Variants in CLCA2 observed in about 807,000 individuals in gnomAD.
CLCA2 encodes the protein chloride channel accessory 2.
In CLCA2, 85 loss-of-function variants were observed where a neutral mutation model predicts 82.9. The ratio of observed to expected loss-of-function variants is 1.03; its 90% CI spans 0.86 to 1.23. The LOEUF (loss-of-function observed/expected upper bound fraction) is 1.23, where lower values mean the gene tolerates loss of function less well. CLCA2 is among the 50% of genes most tolerant of loss of function. The pLI is 0.00. For synonymous variants in CLCA2, 421 were observed against 391.7 expected (o/e 1.07, Z -0.88); for missense variants, 1,089 against 1,124.8 (o/e 0.97, Z 0.45).
chr1:86,434,449 T>C, intron 5 of CLCA2, 69 bp from the exon 6 acceptor site: 1 of 1,317,100 alleles, frequency 7.6e-7, no homozygotes, highest in Non-Finnish European at 1.1e-6. Context: ...CTATAGTTCC[T>C]TGAGAATGAG....
At position 86,447,540 on chromosome 1, in the gene CLCA2, C is replaced by A. The variant is rs1272654900; in HGVS notation, c.1746C>A (p.Thr582=). Reference sequence around the variant, plus strand: ...ACTGGACTTACACCCTGAACAATACCCATCATTCTCTGCAAGCCCTGAAAG... The same window carrying A: ...ACTGGACTTACACCCTGAACAATACACATCATTCTCTGCAAGCCCTGAAAG... The part of the protein sequence containing the change: ...PGHWTYTLNN[T]HHSLQALKVT... Residue 582 remains threonine (T), a synonymous_variant, in exon 11 of 14, where the codon ACC becomes ACA. Coordinates refer to ENST00000370565, the MANE Select transcript of CLCA2 (RefSeq NM_006536.7). 1 of 1,613,986 alleles carries A rather than the reference C, an allele frequency of 6.2e-7. No individual in the cohort carries two copies. Among genetic ancestry groups the A allele is most frequent in the East Asian group, 2.2e-5 (1 of 44,876 alleles).
rs11161830 is a variant in CLCA2 at position 86,438,905 on chromosome 1, C to G, written c.1002C>G (p.Ala334=). The part of the protein sequence containing the change: ...EADRLLQLQQ[A]AEFYLMQIVE... Reference sequence around the variant, plus strand: ...ACAGACTCCTTCAACTACAACAAGCCGCAGAATTTTATTTGATGCAGATTG... The same window carrying G: ...ACAGACTCCTTCAACTACAACAAGCGGCAGAATTTTATTTGATGCAGATTG... The change falls in exon 7 of 14, where the codon GCC becomes GCG. Residue 334 remains alanine (A), a synonymous_variant. Transcript: ENST00000370565. 3 of 1,613,794 alleles carry G rather than the reference C, an allele frequency of 1.9e-6. No individual in the cohort carries two copies. The African/African-American group carries it at 4.0e-5, about 22-fold the overall frequency.
chr1:86,425,551 A>C, intron 2 of CLCA2, 75 bp downstream of exon 2: 1 of 1,237,950 alleles, frequency 8.1e-7, no homozygotes, highest in Non-Finnish European at 1.1e-6. Flanking sequence ...CAAACGATAA[A>C]AGTGAGAAGT....
At chr1:86,435,074 T>C (rs1313992779) in intron 6 of CLCA2, among the ~76,000 whole-genome samples, 1 of 152,142 alleles carries the variant, frequency 6.6e-6, no homozygotes, top group Non-Finnish European at 1.5e-5. Flanking sequence ...GGACTACAGG[T>C]GCAGGACACC....
chr1:86,443,897 T>C lies in CLCA2; in HGVS notation c.1599T>C (p.Ser533=), dbSNP rs1211004691. ...DTMFLVTWQA[S]GPPEIILFDP... ...TGTTTCTAGTTACGTGGCAGGCCAGTGGTCCTCCTGAGATTATATTATTTG... is the reference window on the plus strand; with the variant it reads ...TGTTTCTAGTTACGTGGCAGGCCAGCGGTCCTCCTGAGATTATATTATTTG... Residue 533 remains serine (S), a synonymous_variant, in exon 10 of 14, where the codon AGT becomes AGC. Transcript: ENST00000370565. 6.2e-7 allele frequency: 1 copy of C among 1,613,462 alleles called. No homozygotes were observed. Among genetic ancestry groups the C allele is most frequent in the Non-Finnish European group, 8.5e-7 (1 of 1,179,530 alleles).
intron 12 of CLCA2, among the ~76,000 whole-genome samples, chr1:86,451,793 A>T (rs1004226905): frequency 1.4e-4 from 21 of 152,198 alleles, no homozygotes; most frequent in Non-Finnish European, 5.9e-5. Context: ...CTAAAAAAAT[A>T]AGGGTAATAA....
chr1:86,429,980 C>G (rs975439533), intron 3 of CLCA2, among the ~76,000 whole-genome samples: 8 of 152,144 alleles, frequency 5.3e-5, no homozygotes, highest in African/African-American at 1.9e-4. Flanking sequence ...ATCTTTCCCT[C>G]AACACTCACA....
In CLCA2 at chr1:86,434,593, A is replaced by G. The variant is rs1289606071; in HGVS notation, c.820A>G (p.Ser274Gly). The G allele has an allele frequency of 1.2e-6, 2 of 1,614,096 alleles. No individual in the cohort carries two copies. Among genetic ancestry groups the G allele is most frequent in the Non-Finnish European group, 1.7e-6 (2 of 1,179,994 alleles). Reference sequence around the variant, plus strand: ...ACAGAACCAGATGTGCAGCCTCAGAAGTGCATGGGATGTAATCACAGACTC... The same window carrying G: ...ACAGAACCAGATGTGCAGCCTCAGAGGTGCATGGGATGTAATCACAGACTC... ...NLQNQMCSLR[S>G]AWDVITDSAD... The change falls in exon 6 of 14, where the codon AGT becomes GGT. Residue 274 changes from serine to glycine, a missense_variant. Coordinates refer to ENST00000370565, the MANE Select transcript of CLCA2 (RefSeq NM_006536.7).
In CLCA2 at chr1:86,440,163, A is replaced by G; in HGVS notation, c.1219A>G (p.Asn407Asp). 1 of 1,613,764 alleles carries G rather than the reference A, an allele frequency of 6.2e-7. No individual in the cohort carries two copies. The highest frequency in any genetic ancestry group is 8.5e-7 in the Non-Finnish European group (1 of 1,179,880). ...KKGFEVVEKL[N>D]GKAYGSVMIL... ...CTATGTTCAGGTGGTTGAAAAACTG[A>G]ATGGAAAAGCTTATGGCTCTGTGAT... Residue 407 changes from asparagine (N) to aspartate (D), a missense_variant, in exon 8 of 14, where the codon AAT (asparagine) becomes GAT (aspartate). Physicochemically the swap from Asn to Asp is conservative, Grantham distance 23. Coordinates refer to ENST00000370565, the MANE Select transcript of CLCA2 (RefSeq NM_006536.7).
chr1:86,443,828 G>C lies in CLCA2; in HGVS notation c.1530G>C (p.Leu510Phe). The C allele has an allele frequency of 6.2e-7, 1 of 1,613,968 alleles. No homozygotes were observed. ...AAAATGTCAAACCTCACCATCAATT[G>C]AAAAACACAGTGACTGTGGATAATA... ...TGENVKPHHQ[L>F]KNTVTVDNTV... The change falls in exon 10 of 14, where the codon TTG becomes TTC. Residue 510 changes from leucine (L) to phenylalanine (F), a missense_variant. By Grantham distance (22) the Leu-to-Phe change is conservative (BLOSUM62 0). Coordinates refer to ENST00000370565, the MANE Select transcript of CLCA2 (RefSeq NM_006536.7).
chr1:86,427,207 G>A (rs1189845088), intron 2 of CLCA2, among the ~76,000 whole-genome samples: 1 of 151,992 alleles, frequency 6.6e-6, no homozygotes, highest in Admixed American at 6.6e-5. Flanking sequence ...TGGTCTATAA[G>A]GTATAAAGTA....
intron 4 of CLCA2, 145 bp downstream of exon 4, chr1:86,431,115 T>G (rs1253101130): frequency 3.3e-6 from 2 of 602,274 alleles, no homozygotes; most frequent in Non-Finnish European, 5.9e-6. Context: ...TCCTTTCACT[T>G]TTCAGTTCTT....
chr1:86,456,390 T>C lies in CLCA2; in HGVS notation c.*863T>C, dbSNP rs938108853. ...TAGCTGGCTCTGTTTTTTGGTTAAA[T>C]AAGAGTCTTTAATCCTTTCTCCATC... On this transcript the variant is annotated 3_prime_UTR_variant, in exon 14 of 14. Transcript: ENST00000370565. The C allele has an allele frequency of 3.9e-5, 6 of 152,166 alleles. No individual in the cohort carries two copies. Among genetic ancestry groups the C allele is most frequent in the African/African-American group, 1.4e-4 (6 of 41,432 alleles). 9.4% of individuals were successfully genotyped at this position (152,166 alleles called of 1,614,324 possible). A position where few individuals can be genotyped will look rare whatever the true frequency, so the allele number is the denominator to read the frequency against.
chr1:86,447,519 G>A lies in CLCA2; in HGVS notation c.1725G>A (p.Trp575Ter). ...GACTTGTTTTACAGCCTGGGCACTG[G>A]ACTTACACCCTGAACAATACCCATC... ...WIPGTAKPGH[W>*]TYTLNNTHHS... The change falls in exon 11 of 14, where the codon TGG (tryptophan) becomes TGA (stop). Residue 575 changes from tryptophan to a stop codon, truncating the protein, a stop_gained. Coordinates refer to ENST00000370565, the MANE Select transcript of CLCA2 (RefSeq NM_006536.7). LOFTEE classifies it high-confidence loss of function. The A allele has an allele frequency of 6.2e-7, 1 of 1,613,986 alleles. No homozygotes were observed.
Position 86,443,945 on chromosome 1 carries a change from C to A in CLCA2, c.1647C>A (p.Tyr549Ter). ...ILFDPDGRKY[Y>*]TNNFITNLTF... The stretch of plus-strand genomic sequence containing the variant: ...TTGATCCTGATGGACGAAAATACTA[C>A]ACAAATAATTTTATCACCAATCTAA... The change falls in exon 10 of 14, where the codon TAC (tyrosine) becomes TAA (stop). Residue 549 changes from tyrosine (Y) to a stop codon, truncating the protein, a stop_gained. Coordinates refer to ENST00000370565, the MANE Select transcript of CLCA2 (RefSeq NM_006536.7). LOFTEE classifies it high-confidence loss of function. 1 of 1,613,580 alleles carries A rather than the reference C, an allele frequency of 6.2e-7. No homozygotes were observed. The highest frequency in any genetic ancestry group is 8.5e-7 in the Non-Finnish European group (1 of 1,179,526).
chr1:86,425,419 A>T lies in CLCA2; in HGVS notation c.267A>T (p.Ile89=). Residue 89 remains isoleucine (I), a synonymous_variant, in exon 2 of 14, where the codon ATA becomes ATT. Coordinates refer to ENST00000370565, the MANE Select transcript of CLCA2 (RefSeq NM_006536.7). ...TTTTCAGAAATATAAAGATTTTAATACCTGCCACATGGAAAGCTAATAATA... is the reference window on the plus strand; with the variant it reads ...TTTTCAGAAATATAAAGATTTTAATTCCTGCCACATGGAAAGCTAATAATA... The part of the protein sequence containing the change: ...RVFFRNIKIL[I]PATWKANNNS... The T allele has an allele frequency of 6.4e-7, 1 of 1,574,134 alleles. No homozygotes were observed. Among genetic ancestry groups the T allele is most frequent in the South Asian group, 1.2e-5 (1 of 83,082 alleles).
chr1:86,450,737 A>G lies in CLCA2; in HGVS notation c.2155+4A>G, dbSNP rs768094852. 6.3e-7 allele frequency: 1 copy of G among 1,597,362 alleles called. No homozygotes were observed. The highest frequency in any genetic ancestry group is 1.1e-5 in the South Asian group (1 of 87,324). On this transcript the variant is annotated splice_donor_region_variant and intron_variant, in intron 12 of 13. Coordinates refer to ENST00000370565, the MANE Select transcript of CLCA2 (RefSeq NM_006536.7). Reference sequence around the variant, plus strand: ...GTACCAGGTTACACAGCAAACGGTAAGAACCATTAGCACTGTTATTTGAGT... The same window carrying G: ...GTACCAGGTTACACAGCAAACGGTAGGAACCATTAGCACTGTTATTTGAGT...
chr1:86,440,118 C>T (rs1189600662), intron 7 of CLCA2, 30 bp from the exon 8 acceptor site: 1 of 1,604,958 alleles, frequency 6.2e-7, no homozygotes, highest in South Asian at 1.1e-5. Flanking sequence ...AACTACACTT[C>T]CTTCCAAGTG....
intron 12 of CLCA2, 40 bp downstream of exon 12, chr1:86,450,773 C>CTGATGTTACATCAGAG (rs778123827): frequency 6.6e-7 from 1 of 1,524,508 alleles, no homozygotes; most frequent in South Asian, 1.3e-5. Flanking sequence ...AACATCATTT[C>CTGATGTTACATCAGAG]ATGTACATAT....
Sources: gnomAD v4.1 joint callset for allele counts (sites outside exome capture counted in the v4.1 genomes callset) on GRCh38, gnomAD v4.1.1 for gene constraint, MANE v1.5 for transcripts, NCBI Gene and HGNC (gene_info 2026-07-23, HGNC 2026-07-21) for gene names.